The following IGSF21 variants were observed in gnomAD, a reference collection of about 807,000 sequenced individuals.
IGSF21 encodes the protein immunoglobulin superfamily member 21.
A neutral mutation model predicts 46.8 loss-of-function variants in IGSF21; 28 were observed. The observed-to-expected ratio is 0.60, with a 90% CI of 0.44 to 0.82. IGSF21 has a LOEUF of 0.82. Ranked by LOEUF, IGSF21 falls within the 40% of genes least tolerant of loss-of-function variation. The pLI is 0.00. For missense variants in IGSF21, 624 were observed against 665.5 expected (o/e 0.94, Z 0.69); for synonymous variants, 284 against 273.6 (o/e 1.04, Z -0.38).
chr1:18,313,039 T>A (rs1232955249), intron 3 of IGSF21, among the ~76,000 whole-genome samples: 1 of 152,120 alleles, frequency 6.6e-6, no homozygotes, highest in Non-Finnish European at 1.5e-5. Context: ...GAGCCCCGTT[T>A]TACTCATCCC....
chr1:18,343,600 C>T lies in IGSF21; in HGVS notation c.424+8590C>T, dbSNP rs181788907. 1.4e-4 allele frequency among the ~76,000 whole-genome samples: 22 copies of T among 152,310 alleles called. No individual in the cohort carries two copies. The East Asian group carries it at 4.2e-3, about 29-fold the overall frequency. On this transcript the variant is annotated intron_variant, in intron 4 of 9. Coordinates refer to ENST00000251296, the MANE Select transcript of IGSF21 (RefSeq NM_032880.5). The stretch of plus-strand genomic sequence containing the variant: ...AGCTCTTACAGTTAAGTTGATGATG[C>T]ATTTCAAGTTTATTTTTATATATGG...
intron 3 of IGSF21, among the ~76,000 whole-genome samples, chr1:18,325,665 T>A (rs958236419): frequency 1.2e-4 from 18 of 152,132 alleles, no homozygotes; most frequent in African/African-American, 4.3e-4. Flanking sequence ...CCTCAGGGGA[T>A]TCTTGTACAT....
intron 6 of IGSF21, among the ~76,000 whole-genome samples, chr1:18,367,600 T>G (rs1569889332): frequency 9.9e-6 from 1 of 101,418 alleles, no homozygotes; most frequent in East Asian, 2.9e-4. Context: ...TCTCTCTCTC[T>G]CTCTTTTTTT....
At chr1:18,225,882 G>T (rs1466781109) in intron 1 of IGSF21, among the ~76,000 whole-genome samples, 1 of 152,224 alleles carries the variant, frequency 6.6e-6, no homozygotes, top group African/African-American at 2.4e-5. Context: ...GAGCCCGAAG[G>T]TTTGGGTTTG....
At chr1:18,190,060 C>A (rs920338061) in intron 1 of IGSF21, among the ~76,000 whole-genome samples, 2 of 152,204 alleles carry the variant, frequency 1.3e-5, no homozygotes, top group Non-Finnish European at 2.9e-5. Flanking sequence ...TGGACAGAGA[C>A]CCTGCTCACA....
At chr1:18,225,856 CGTG>C (rs1268648164) in intron 1 of IGSF21, among the ~76,000 whole-genome samples, 2 of 152,166 alleles carry the variant, frequency 1.3e-5, no homozygotes, top group African/African-American at 4.8e-5. Flanking sequence ...GCTGTAATAG[CGTG>C]GTGGTTGTCA....
chr1:18,192,094 C>T (rs1043143006), intron 1 of IGSF21, among the ~76,000 whole-genome samples: 1 of 152,230 alleles, frequency 6.6e-6, no homozygotes, highest in Non-Finnish European at 1.5e-5. Context: ...CCAGCACTGG[C>T]TTTGGAGCCA....
intron 4 of IGSF21, among the ~76,000 whole-genome samples, chr1:18,338,767 G>T (rs1285569988): frequency 6.6e-6 from 1 of 152,160 alleles, no homozygotes; most frequent in South Asian, 2.1e-4. Flanking sequence ...TGCTGCACAC[G>T]GTCATTAAAA....
intron 1 of IGSF21, among the ~76,000 whole-genome samples, chr1:18,124,944 G>T (rs2086263533): frequency 6.6e-6 from 1 of 152,182 alleles, no homozygotes; most frequent in Admixed American, 6.5e-5. Flanking sequence ...GTCATCCATG[G>T]TGATGGGGCC....
chr1:18,359,405 A>AGGAT (rs2086067318), intron 4 of IGSF21, among the ~76,000 whole-genome samples: 11 of 144,802 alleles, frequency 7.6e-5, no homozygotes, highest in Admixed American at 2.1e-4. Flanking sequence ...GAAGGAAGGA[A>AGGAT]GGAAGGAAGG....
intron 2 of IGSF21, among the ~76,000 whole-genome samples, chr1:18,231,455 A>G (rs747619913): frequency 2.0e-5 from 3 of 152,120 alleles, no homozygotes; most frequent in Non-Finnish European, 2.9e-5. Flanking sequence ...CTTTACCCCC[A>G]TGGTCTGGCC....
chr1:18,213,749 C>T (rs2084415878), intron 1 of IGSF21, among the ~76,000 whole-genome samples: 1 of 152,182 alleles, frequency 6.6e-6, no homozygotes, highest in South Asian at 2.1e-4. Flanking sequence ...GTGAAGGAGT[C>T]TGGGACAAAC....
intron 1 of IGSF21, among the ~76,000 whole-genome samples, chr1:18,139,045 A>G (rs1290483107): frequency 1.3e-5 from 2 of 152,014 alleles, no homozygotes; most frequent in Admixed American, 6.6e-5. Flanking sequence ...ACTGAATTCA[A>G]TGCTGCTGGT....
Position 18,109,286 on chromosome 1 carries a change from G to A in IGSF21, c.70+1088G>A, listed in dbSNP as rs34925704. On this transcript the variant is annotated intron_variant, in intron 1 of 9. Transcript: ENST00000251296. This position sits in a 1 kb window ranked among gnomAD's most constrained non-coding sequence, Gnocchi z 4.8. ...CCGAGACTACAGGCTCCGCGTCCGG[G>A]ATCCTCCTCGGAGCCTGGTGCCAAC... is the stretch of plus-strand genomic sequence containing the variant. 0.018 allele frequency: 2,796 copies of A among 152,162 alleles called. 30 individuals are homozygous for A. The highest frequency in any genetic ancestry group is 0.049 in the East Asian group (252 of 5,134). The allele number at this position is 152,162 out of a possible 1,614,324, so 9.4% of individuals were successfully genotyped here.
intron 1 of IGSF21, among the ~76,000 whole-genome samples, chr1:18,163,203 C>T (rs1025997429): frequency 2.6e-5 from 4 of 151,416 alleles, no homozygotes; most frequent in African/African-American, 9.7e-5. Flanking sequence ...AAGGGAGAAT[C>T]ATGATATTTA....
At chr1:18,260,533 C>T (rs1031433475) in intron 2 of IGSF21, among the ~76,000 whole-genome samples, 1 of 152,210 alleles carries the variant, frequency 6.6e-6, no homozygotes, top group Admixed American at 6.5e-5. Flanking sequence ...AGTGCAGAGG[C>T]CGTTTTGCAC....
chr1:18,227,925 T>TC lies in IGSF21; in HGVS notation c.104dup (p.Val36CysfsTer12). 1 of 1,613,820 alleles carries TC rather than the reference T, an allele frequency of 6.2e-7. No individual in the cohort carries two copies. The highest frequency in any genetic ancestry group is 8.5e-7 in the Non-Finnish European group (1 of 1,179,852). On this transcript the variant is annotated frameshift_variant, in exon 2 of 10. Coordinates refer to ENST00000251296, the MANE Select transcript of IGSF21 (RefSeq NM_032880.5). LOFTEE classifies it high-confidence loss of function. ...TACCTGACAGTCAACATTGAGCCTC[T>TC]CCCCCCTGTGGTGGCTGGAGACGCC...
At chr1:18,122,151 T>C (rs1339384575) in intron 1 of IGSF21, among the ~76,000 whole-genome samples, 1 of 151,958 alleles carries the variant, frequency 6.6e-6, no homozygotes, top group Admixed American at 6.6e-5. Context: ...CATGTCTATG[T>C]CTCATCTGTG....
At chr1:18,306,641 A>G (rs1222543453) in intron 3 of IGSF21, among the ~76,000 whole-genome samples, 2 of 152,156 alleles carry the variant, frequency 1.3e-5, no homozygotes, top group Non-Finnish European at 2.9e-5. Context: ...TCATATACGG[A>G]TAAGCGAATT....
Sources: gnomAD v4.1 joint callset for allele counts (sites outside exome capture counted in the v4.1 genomes callset) on GRCh38, gnomAD v4.1.1 for gene constraint, Gnocchi (gnomAD v3.1) non-coding constraint, MANE v1.5 for transcripts, NCBI Gene and HGNC (gene_info 2026-07-23, HGNC 2026-07-21) for gene names.